Variants in BCL2 observed in about 807,000 individuals in gnomAD.
BCL2 encodes the protein BCL2 apoptosis regulator, also known as apoptosis regulator Bcl-2.
A neutral mutation model predicts 14.2 loss-of-function variants in BCL2; 1 was observed. The observed-to-expected ratio is 0.07, with a 90% CI of 0.02 to 0.33. The LOEUF is 0.33. Ranked by LOEUF, BCL2 falls within the 10% of genes least tolerant of loss-of-function variation. The probability of loss-of-function intolerance (pLI) is 0.99; values close to 1 mark genes in which losing one functional copy is unlikely to be tolerated. For synonymous variants in BCL2, 151 were observed against 137.2 expected (o/e 1.10, Z -0.70); for missense variants, 247 against 305.9 (o/e 0.81, Z 1.44).
intron 2 of BCL2, among the ~76,000 whole-genome samples, chr18:63,272,857 T>A (rs908078455): frequency 5.9e-4 from 90 of 152,174 alleles, no homozygotes; most frequent in Non-Finnish European, 1.1e-3. Flanking sequence ...ACTCCTCTGG[T>A]CTGAGGATAT....
intron 2 of BCL2, among the ~76,000 whole-genome samples, chr18:63,246,347 C>T (rs186362760): frequency 1.3e-5 from 2 of 152,176 alleles, no homozygotes; most frequent in Admixed American, 6.5e-5. Context: ...TTTAAACTAG[C>T]CTTCCCCCTG....
At chr18:63,162,215 A>C (rs1211243963) in intron 2 of BCL2, among the ~76,000 whole-genome samples, 3 of 152,214 alleles carry the variant, frequency 2.0e-5, no homozygotes, top group Middle Eastern at 3.2e-3. Context: ...ACCATCAAGA[A>C]GCTCTGAGAA....
At chr18:63,132,234 A>G (rs1424418689) in intron 2 of BCL2, among the ~76,000 whole-genome samples, 1 of 152,204 alleles carries the variant, frequency 6.6e-6, no homozygotes, top group Non-Finnish European at 1.5e-5. Context: ...TACTTCATCC[A>G]TAGCCATAAA....
At chr18:63,236,940 C>T (rs2144185782) in intron 2 of BCL2, among the ~76,000 whole-genome samples, 1 of 152,258 alleles carries the variant, frequency 6.6e-6, no homozygotes, top group East Asian at 1.9e-4. Flanking sequence ...TTCTGTTTTT[C>T]AGGATTTTTT....
intron 2 of BCL2, among the ~76,000 whole-genome samples, chr18:63,290,106 T>C (rs1381547): frequency 0.039 from 5,881 of 152,192 alleles, 588 homozygotes; most frequent in East Asian, 0.38. Context: ...CCCTAGGTTT[T>C]GAGCCTGGGT....
chr18:63,161,492 C>T (rs1267695339), intron 2 of BCL2, among the ~76,000 whole-genome samples: 4 of 152,204 alleles, frequency 2.6e-5, no homozygotes, highest in African/African-American at 9.7e-5. Context: ...TACTCCAAGA[C>T]TTTCTGAAAG....
chr18:63,143,433 G>A (rs566730922), intron 2 of BCL2, among the ~76,000 whole-genome samples: 1 of 152,292 alleles, frequency 6.6e-6, no homozygotes, highest in Admixed American at 6.5e-5. Flanking sequence ...AACACTACAC[G>A]TGCCCACTGT....
chr18:63,219,977 T>G (rs2144684655), intron 2 of BCL2, among the ~76,000 whole-genome samples: 1 of 152,294 alleles, frequency 6.6e-6, no homozygotes. Context: ...CTTTATTTCC[T>G]TCCAGAAGAC....
At chr18:63,161,441 T>G (rs984574453) in intron 2 of BCL2, among the ~76,000 whole-genome samples, 1 of 152,204 alleles carries the variant, frequency 6.6e-6, no homozygotes, top group Non-Finnish European at 1.5e-5. Flanking sequence ...CCTTCTTCTT[T>G]GCAACGAATG....
upstream of BCL2, chr18:63,319,874 C>G (rs1913643731): frequency 2.8e-5 from 5 of 176,784 alleles, no homozygotes; most frequent in South Asian, 9.9e-4. Flanking sequence ...CCGCTGCACC[C>G]CACCGGCGCA....
intron 2 of BCL2, among the ~76,000 whole-genome samples, chr18:63,307,311 A>T (rs1326244452): frequency 6.6e-6 from 1 of 152,244 alleles, no homozygotes; most frequent in East Asian, 1.9e-4. Context: ...TATTCCGTAC[A>T]AAAGGTATTT....
intron 2 of BCL2, among the ~76,000 whole-genome samples, chr18:63,311,415 G>A (rs149705617): frequency 1.1e-3 from 166 of 152,176 alleles, no homozygotes; most frequent in African/African-American, 3.6e-3. Flanking sequence ...CTGTCTTTTC[G>A]ACAGTTAAAA....
rs1417331565 is a variant in BCL2, at chr18:63,126,317, G to A, written c.*2308C>T. ...GAAGGACAGCCATGAGAAAGCCCCC[G>A]CGGAAGGAGGGCAGGAGGGCTCTGG... On this transcript the variant is annotated 3_prime_UTR_variant, in exon 3 of 3. Coordinates refer to ENST00000333681, the MANE Select transcript of BCL2 (RefSeq NM_000633.3). 2.7e-5 allele frequency: 6 copies of A among 220,468 alleles called. No homozygotes were observed. Among genetic ancestry groups the A allele is most frequent in the South Asian group, 1.8e-4 (1 of 5,438 alleles). 13.7% of individuals were successfully genotyped at this position (220,468 alleles called of 1,614,324 possible).
chr18:63,241,486 TATG>T (rs534468519), intron 2 of BCL2, among the ~76,000 whole-genome samples: 78 of 152,298 alleles, frequency 5.1e-4, no homozygotes, highest in Admixed American at 1.1e-3. Flanking sequence ...GATAACTTGA[TATG>T]ATAAGATCTC....
chr18:63,263,609 T>C (rs1023881518), intron 2 of BCL2, among the ~76,000 whole-genome samples: 1 of 152,244 alleles, frequency 6.6e-6, no homozygotes, highest in Non-Finnish European at 1.5e-5. Flanking sequence ...TACTCTTCAC[T>C]GGAAGCAGTC....
At chr18:63,298,962 T>G (rs1383509809) in intron 2 of BCL2, among the ~76,000 whole-genome samples, 1 of 152,100 alleles carries the variant, frequency 6.6e-6, no homozygotes, top group Non-Finnish European at 1.5e-5. Context: ...CTCCAAGTAC[T>G]CCAAAACCGC....
rs1370627965 is a variant in BCL2 at position 63,149,959 on chromosome 18, A to G, written c.586-21200T>C. On this transcript the variant is annotated intron_variant, in intron 2 of 2. Transcript: ENST00000333681. This position sits in a 1 kb window ranked among gnomAD's most constrained non-coding sequence, Gnocchi z 4.2. ...CAGTGGTGCGATCTCGGCTCACTGC[A>G]GCCTCTGCCTCCCAGGTTCAAGCAA... 6.6e-6 allele frequency among the ~76,000 whole-genome samples: 1 copy of G among 151,912 alleles called. No individual in the cohort carries two copies. Among genetic ancestry groups the G allele is most frequent in the African/African-American group, 2.4e-5 (1 of 41,330 alleles).
chr18:63,166,159 C>T (rs1278883910), intron 2 of BCL2, among the ~76,000 whole-genome samples: 1 of 152,156 alleles, frequency 6.6e-6, no homozygotes, highest in African/African-American at 2.4e-5. Context: ...ATAGACTGCC[C>T]AGTCCCATGC....
rs2144323713 is a variant in BCL2, at chr18:63,318,395, G to T, written c.272C>A (p.Pro91His). Residue 91 changes from proline (P) to histidine (H), a missense_variant, in exon 2 of 3, where the codon CCT becomes CAT. Physicochemically the swap from Pro to His is moderately conservative, Grantham distance 77 (BLOSUM62 -2). Coordinates refer to ENST00000333681, the MANE Select transcript of BCL2 (RefSeq NM_000633.3). This position sits in a 1 kb window ranked among gnomAD's most constrained non-coding sequence, Gnocchi z 7.4. ...CTGGCGGAGGGTCAGGTGGACCACA[G>T]GTGGCACCGGGCTGAGCGCAGGCCC... Reference protein sequence around the residue: ...AAGPALSPVPPVVHLTLRQAG... With the variant: ...AAGPALSPVPHVVHLTLRQAG... 1 of 1,575,608 alleles carries T rather than the reference G, an allele frequency of 6.3e-7. No individual in the cohort carries two copies. The highest frequency in any genetic ancestry group is 8.6e-7 in the Non-Finnish European group (1 of 1,161,902).
Sources: allele counts gnomAD v4.1 joint callset (sites outside exome capture counted in the v4.1 genomes callset), GRCh38; gene constraint gnomAD v4.1.1; non-coding constraint Gnocchi (gnomAD v3.1); transcripts MANE v1.5; gene names NCBI Gene and HGNC (gene_info 2026-07-23, HGNC 2026-07-21).